Variants in GRIK3 observed in about 807,000 individuals in gnomAD.
GRIK3 encodes glutamate receptor ionotropic, kainate 3.
In GRIK3, 29 loss-of-function variants were observed where a neutral mutation model predicts 102.5. That is an observed-to-expected ratio of 0.28 (90% CI 0.21 to 0.39). GRIK3 has a LOEUF of 0.39. Ranked by LOEUF, GRIK3 falls within the 10% of genes least tolerant of loss-of-function variation. The probability of loss-of-function intolerance (pLI) is 1.00; values close to 1 mark genes in which losing one functional copy is unlikely to be tolerated. For missense variants in GRIK3, 908 were observed against 1,252.4 expected, an observed-to-expected ratio of 0.73 and a Z score of 4.15; for synonymous variants, 511 against 504.9, an observed-to-expected ratio of 1.01 and a Z score of -0.16.
intron 1 of GRIK3, among the ~76,000 whole-genome samples, chr1:36,955,774 A>T (rs1641898920): frequency 1.3e-5 from 2 of 152,238 alleles, no homozygotes; most frequent in Non-Finnish European, 2.9e-5. Flanking sequence ...ACACTTGCAC[A>T]CATTCACGCA....
intron 5 of GRIK3, among the ~76,000 whole-genome samples, chr1:36,862,849 T>A (rs930668409): frequency 1.3e-5 from 2 of 152,200 alleles, no homozygotes; most frequent in Non-Finnish European, 2.9e-5. Flanking sequence ...ATATCAAACA[T>A]CATGTATGTG....
At chr1:36,814,515 C>T (rs899426907) in intron 13 of GRIK3, among the ~76,000 whole-genome samples, 2 of 133,344 alleles carry the variant, frequency 1.5e-5, no homozygotes, top group African/African-American at 5.6e-5. Context: ...ATAGACCCCC[C>T]CCCCCCACAC....
Position 36,958,696 on chromosome 1 carries a change from GTGACTCTGTGCCCCA to G in GRIK3, c.116-67615_116-67601del, listed in dbSNP as rs1162976612. 1.8e-3 allele frequency among the ~76,000 whole-genome samples: 189 copies of G among 105,804 alleles called. 4 individuals carry two copies. The highest frequency in any genetic ancestry group is 5.6e-3 in the African/African-American group (175 of 31,158). 69.4% of individuals were successfully genotyped at this position (105,804 alleles called of 152,430 possible). A position where few individuals can be genotyped will look rare whatever the true frequency, so the allele number is the denominator to read the frequency against. On this transcript the variant is annotated intron_variant, in intron 1 of 15. Transcript: ENST00000373091. Reference sequence around the variant, plus strand: ...TGTGTGCCCTGTGAGTCTGTGCCTTGTGACTCTGTGCCCCATGACTCTGTGCCCCGTGAGCCTGTG... The same window carrying G: ...TGTGTGCCCTGTGAGTCTGTGCCTTGTGACTCTGTGCCCCGTGAGCCTGTG...
intron 1 of GRIK3, among the ~76,000 whole-genome samples, chr1:37,021,053 T>C (rs822852): frequency 0.19 from 28,267 of 151,884 alleles, 3,870 homozygotes; most frequent in African/African-American, 0.38. Context: ...GGCTCTTTTG[T>C]TCTCTTAAGA....
At chr1:36,865,236 G>A (rs557315628) in intron 5 of GRIK3, among the ~76,000 whole-genome samples, 11 of 152,352 alleles carry the variant, frequency 7.2e-5, no homozygotes, top group Admixed American at 2.0e-4. Context: ...CTCAGCTGGG[G>A]CTGATTAATG....
At chr1:36,949,850 A>G (rs1351266056) in intron 1 of GRIK3, among the ~76,000 whole-genome samples, 2 of 152,052 alleles carry the variant, frequency 1.3e-5, no homozygotes, top group African/African-American at 4.8e-5. Flanking sequence ...AAGTGCTGGG[A>G]CTACAGGCAT....
chr1:36,883,643 G>T (rs1641007929), intron 2 of GRIK3, among the ~76,000 whole-genome samples: 1 of 152,220 alleles, frequency 6.6e-6, no homozygotes, highest in Admixed American at 6.5e-5. Flanking sequence ...ACAGGCTCCT[G>T]GTGGGTATGT....
At chr1:36,902,356 C>T (rs1217728131) in intron 1 of GRIK3, among the ~76,000 whole-genome samples, 1 of 152,172 alleles carries the variant, frequency 6.6e-6, no homozygotes, top group Admixed American at 6.5e-5. Context: ...GTAATCAAGA[C>T]AGCATGATGT....
At chr1:36,912,583 G>A (rs1174827393) in intron 1 of GRIK3, among the ~76,000 whole-genome samples, 3 of 152,050 alleles carry the variant, frequency 2.0e-5, no homozygotes, top group Non-Finnish European at 2.9e-5. Flanking sequence ...TCCTCACAGG[G>A]CTTGCATTTG....
At chr1:36,958,544 G>GTGTGCCCTGTGAGTC (rs1641954913) in intron 1 of GRIK3, among the ~76,000 whole-genome samples, 1 of 150,674 alleles carries the variant, frequency 6.6e-6, no homozygotes, top group South Asian at 2.1e-4. Flanking sequence ...CCGTGAGCCT[G>GTGTGCCCTGTGAGTC]TGTGCCCTGT....
At chr1:37,026,861 T>C (rs533992099) in intron 1 of GRIK3, among the ~76,000 whole-genome samples, 5 of 151,644 alleles carry the variant, frequency 3.3e-5, no homozygotes, top group African/African-American at 1.2e-4. Flanking sequence ...AACTTAGACA[T>C]GACATGTGAG....
At chr1:36,814,424 C>T (rs956741832) in intron 13 of GRIK3, among the ~76,000 whole-genome samples, 1 of 151,190 alleles carries the variant, frequency 6.6e-6, no homozygotes, top group African/African-American at 2.4e-5. Flanking sequence ...CACATGCAGA[C>T]ACATATGCAT....
intron 1 of GRIK3, among the ~76,000 whole-genome samples, chr1:36,950,319 G>A (rs914408100): frequency 2.6e-5 from 4 of 152,158 alleles, no homozygotes; most frequent in Non-Finnish European, 4.4e-5. Context: ...ATAACATAAA[G>A]AAGTTAACAA....
At chr1:36,944,184 G>C (rs1641757631) in intron 1 of GRIK3, among the ~76,000 whole-genome samples, 1 of 152,138 alleles carries the variant, frequency 6.6e-6, no homozygotes, top group Non-Finnish European at 1.5e-5. Context: ...AAGGAGGAGG[G>C]GAAATGAAAA....
At chr1:36,971,892 G>A (rs1395231992) in intron 1 of GRIK3, among the ~76,000 whole-genome samples, 3 of 152,140 alleles carry the variant, frequency 2.0e-5, no homozygotes, top group African/African-American at 7.2e-5. Context: ...GAGGCCTGGA[G>A]ACACCCTTTT....
intron 1 of GRIK3, among the ~76,000 whole-genome samples, chr1:36,958,331 A>C (rs551639): frequency 1.5e-5 from 1 of 66,280 alleles, no homozygotes; most frequent in Non-Finnish European, 2.6e-5. Context: ...TCTGTGCCCC[A>C]TGAGCCTGTG....
In GRIK3 at chr1:36,949,574, C is replaced by CTTTTTTTTTTTT. The variant is rs60157852; in HGVS notation, c.116-58490_116-58479dup. Among the ~76,000 whole-genome samples, 45 of 99,684 alleles carry CTTTTTTTTTTTT rather than the reference C, an allele frequency of 4.5e-4. 2 individuals carry two copies. The highest frequency in any genetic ancestry group is 8.6e-4 in the African/African-American group (22 of 25,434). The allele number at this position is 99,684 out of a possible 152,430, so 65.4% of individuals were successfully genotyped here. ...TTTTTTTCTTTCTCTCTCTCTCTTT[C>CTTTTTTTTTTTT]TTTTTTTTTTTTTTTTTTTTTTTGA... On this transcript the variant is annotated intron_variant, in intron 1 of 15. Coordinates refer to ENST00000373091, the MANE Select transcript of GRIK3 (RefSeq NM_000831.4).
At chr1:36,909,430 C>G (rs1426178216) in intron 1 of GRIK3, among the ~76,000 whole-genome samples, 2 of 152,028 alleles carry the variant, frequency 1.3e-5, no homozygotes, top group East Asian at 3.9e-4. Flanking sequence ...TCCTGAATAG[C>G]TGGGACTACA....
intron 1 of GRIK3, among the ~76,000 whole-genome samples, chr1:36,953,116 G>T (rs1641864767): frequency 6.6e-6 from 1 of 152,134 alleles, no homozygotes; most frequent in South Asian, 2.1e-4. Context: ...CGTCTGTTGG[G>T]CTCCATGTCT....
Sources: gnomAD v4.1 joint callset for allele counts (sites outside exome capture counted in the v4.1 genomes callset) on GRCh38, gnomAD v4.1.1 for gene constraint, MANE v1.5 for transcripts, NCBI Gene and HGNC (gene_info 2026-07-23, HGNC 2026-07-21) for gene names.